Variants in FBXW7 observed in about 807,000 individuals in gnomAD.
The protein encoded by FBXW7 is F-box/WD repeat-containing protein 7.
FBXW7 carries 11 observed loss-of-function variants against 86.3 expected under a neutral mutation model. The observed-to-expected ratio is 0.13, with a 90% confidence interval of 0.08 to 0.21. The LOEUF (loss-of-function observed/expected upper bound fraction) is 0.21. Ranked by LOEUF, FBXW7 falls within the 10% of genes least tolerant of loss-of-function variation. FBXW7 has a pLI of 1.00. For missense variants in FBXW7, 488 were observed against 847.4 expected, an observed-to-expected ratio of 0.58 and a Z score of 5.27; for synonymous variants, 313 against 297.9, an observed-to-expected ratio of 1.05 and a Z score of -0.52.
At chr4:152,516,367 C>G (rs748825730) in intron 2 of FBXW7, among the ~76,000 whole-genome samples, 5 of 152,180 alleles carry the variant, frequency 3.3e-5, no homozygotes, top group Non-Finnish European at 5.9e-5. Flanking sequence ...CTATTGTGAA[C>G]TGTGCATGCA....
rs1248128867 is a variant in FBXW7 at position 152,346,962 on chromosome 4, T to C, written c.694A>G (p.Thr232Ala). ...RRRITSVQPP[T>A]GLQEWLKMFQ... ...ATTTTTAGCCATTCCTGGAGGCCTG[T>C]AGGTGGCTGGACAGATGTAATTCGG... The change falls in exon 6 of 14, where the codon ACA becomes GCA. Residue 232 changes from threonine (T) to alanine (A), a missense_variant. Physicochemically the swap from Thr to Ala is moderately conservative, Grantham distance 58. Coordinates refer to ENST00000281708, the MANE Select transcript of FBXW7 (RefSeq NM_001349798.2). The C allele has an allele frequency of 6.2e-7, 1 of 1,613,742 alleles. No homozygotes were observed. The highest frequency in any genetic ancestry group is 8.5e-7 in the Non-Finnish European group (1 of 1,179,796).
chr4:152,411,251 T>C (rs1737925414), intron 4 of FBXW7, 52 bp downstream of exon 4: 1 of 1,494,302 alleles, frequency 6.7e-7, no homozygotes, highest in Non-Finnish European at 8.9e-7. Context: ...TCATTACAAT[T>C]AAAATAGATA....
intron 2 of FBXW7, among the ~76,000 whole-genome samples, chr4:152,440,759 A>T (rs1740818291): frequency 6.6e-6 from 1 of 152,150 alleles, no homozygotes; most frequent in South Asian, 2.1e-4. Flanking sequence ...AAGAGATGTA[A>T]TCTAAGCATT....
At chr4:152,469,694 A>G (rs1355630643) in intron 2 of FBXW7, among the ~76,000 whole-genome samples, 10 of 152,120 alleles carry the variant, frequency 6.6e-5, no homozygotes, top group Admixed American at 6.6e-4. Flanking sequence ...GCTCACTAAA[A>G]CCATTTCTTT....
intron 2 of FBXW7, among the ~76,000 whole-genome samples, chr4:152,463,254 A>G (rs1223601974): frequency 6.6e-6 from 1 of 151,750 alleles, no homozygotes. Flanking sequence ...ACACCACTGC[A>G]CTCCAGCCTG....
intron 2 of FBXW7, among the ~76,000 whole-genome samples, chr4:152,452,908 C>T (rs534653064): frequency 6.6e-6 from 1 of 152,174 alleles, no homozygotes; most frequent in Non-Finnish European, 1.5e-5. Flanking sequence ...ACTGGCCAGG[C>T]GCAGTGGCTC....
intron 4 of FBXW7, among the ~76,000 whole-genome samples, chr4:152,352,178 A>C (rs1372401402): frequency 6.6e-6 from 1 of 152,212 alleles, no homozygotes; most frequent in Non-Finnish European, 1.5e-5. Flanking sequence ...CCAACTAAGG[A>C]TAGAGTATTT....
intron 4 of FBXW7, among the ~76,000 whole-genome samples, chr4:152,374,122 T>C (rs774305510): frequency 2.0e-5 from 3 of 152,024 alleles, no homozygotes; most frequent in South Asian, 2.1e-4. Flanking sequence ...AAAGCCACAT[T>C]TTAGTTTCCT....
intron 2 of FBXW7, among the ~76,000 whole-genome samples, chr4:152,502,184 T>C (rs1482406526): frequency 3.3e-5 from 5 of 152,208 alleles, no homozygotes; most frequent in Admixed American, 3.3e-4. Flanking sequence ...ATGTGGCTAG[T>C]GTTACCAGGG....
At chr4:152,329,462 T>C (rs1387861223) in intron 10 of FBXW7, among the ~76,000 whole-genome samples, 2 of 151,778 alleles carry the variant, frequency 1.3e-5, no homozygotes, top group East Asian at 3.9e-4. Flanking sequence ...TGAAAAAAAA[T>C]TAATGAAACC....
intron 2 of FBXW7, among the ~76,000 whole-genome samples, chr4:152,424,519 C>G (rs1417953971): frequency 6.6e-6 from 1 of 152,172 alleles, no homozygotes; most frequent in Non-Finnish European, 1.5e-5. Context: ...ATTCTTAGAT[C>G]TTTTCATTTC....
chr4:152,490,571 T>G (rs1745748116), intron 2 of FBXW7, among the ~76,000 whole-genome samples: 1 of 152,006 alleles, frequency 6.6e-6, no homozygotes. Context: ...TAGGAAATAT[T>G]GGGCATAGGA....
chr4:152,497,533 A>G (rs1337789870), intron 2 of FBXW7, among the ~76,000 whole-genome samples: 1 of 152,174 alleles, frequency 6.6e-6, no homozygotes, highest in Non-Finnish European at 1.5e-5. Flanking sequence ...ATCAAAAACT[A>G]TGCAAAGACA....
rs1750388163 is a variant in FBXW7, at chr4:152,535,051, C to A, written c.-212-18G>T. 2 of 152,448 alleles carry A rather than the reference C, an allele frequency of 1.3e-5. No homozygotes were observed. The highest frequency in any genetic ancestry group is 2.4e-5 in the African/African-American group (1 of 41,452). 9.4% of individuals were successfully genotyped at this position (152,448 alleles called of 1,614,324 possible). A position where few individuals can be genotyped will look rare whatever the true frequency, so the allele number is the denominator to read the frequency against. Reference sequence around the variant, plus strand: ...GCGCGGTACTGAGGAAGAAGCGGTGCTCGTGTCGCTAAACCAGGCGGCAAC... The same window carrying A: ...GCGCGGTACTGAGGAAGAAGCGGTGATCGTGTCGCTAAACCAGGCGGCAAC... On this transcript the variant is annotated intron_variant, in intron 1 of 13. Transcript: ENST00000281708.
At chr4:152,336,906 C>A (rs1730183853) in intron 7 of FBXW7, among the ~76,000 whole-genome samples, 1 of 151,828 alleles carries the variant, frequency 6.6e-6, no homozygotes, top group Non-Finnish European at 1.5e-5. Context: ...TTTTTCTGTT[C>A]AAATTTGAAG....
intron 2 of FBXW7, among the ~76,000 whole-genome samples, chr4:152,510,922 A>C (rs1386965229): frequency 1.3e-5 from 2 of 152,092 alleles, no homozygotes; most frequent in Non-Finnish European, 2.9e-5. Context: ...TCCCCCACCA[A>C]TCTGAAATGC....
At position 152,385,175 on chromosome 4, in the gene FBXW7, C is replaced by A. The variant is rs539130624; in HGVS notation, c.501+26128G>T. On this transcript the variant is annotated intron_variant, in intron 4 of 13. Coordinates refer to ENST00000281708, the MANE Select transcript of FBXW7 (RefSeq NM_001349798.2). The stretch of plus-strand genomic sequence containing the variant: ...CCTTTGAAATCAATTGGATAATTAA[C>A]CCCCCTGAATTTCTTTTCCTGAACT... Among the ~76,000 whole-genome samples the A allele has an allele frequency of 1.3e-4, 20 of 151,962 alleles. No individual in the cohort carries two copies. In the South Asian group the frequency reaches 3.7e-3, roughly 28 times the overall value.
chr4:152,360,170 G>A (rs1233724541), intron 4 of FBXW7, among the ~76,000 whole-genome samples: 2 of 152,112 alleles, frequency 1.3e-5, no homozygotes, highest in Non-Finnish European at 2.9e-5. Context: ...AATACCTCCT[G>A]TCATGACTCA....
intron 4 of FBXW7, among the ~76,000 whole-genome samples, chr4:152,375,606 A>G (rs903279005): frequency 2.0e-5 from 3 of 152,128 alleles, no homozygotes; most frequent in African/African-American, 7.2e-5. Context: ...GTAAAAACAT[A>G]TATCGTTATT....
Sources: allele counts gnomAD v4.1 joint callset (sites outside exome capture counted in the v4.1 genomes callset), GRCh38; gene constraint gnomAD v4.1.1; transcripts MANE v1.5; gene names NCBI Gene and HGNC (gene_info 2026-07-23, HGNC 2026-07-21).